Variants in PRKN observed in about 807,000 individuals in gnomAD.
PRKN encodes E3 ubiquitin-protein ligase parkin.
PRKN carries 56 observed loss-of-function variants against 59.5 expected under a neutral mutation model. The observed-to-expected ratio is 0.94, with a 90% CI of 0.76 to 1.18. The LOEUF is 1.18. Among genes scored for constraint, PRKN ranks in the 50% most tolerant of loss-of-function variants. The pLI is 0.00. For synonymous variants in PRKN, 250 were observed against 222.1 expected, an observed-to-expected ratio of 1.13 and a Z score of -1.12; for missense variants, 657 against 596.4, an observed-to-expected ratio of 1.10 and a Z score of -1.06.
At chr6:162,501,513 A>ATT (rs201004163) in intron 1 of PRKN, among the ~76,000 whole-genome samples, 19,779 of 126,322 alleles carry the variant, frequency 0.16, 1,478 homozygotes, top group Non-Finnish European at 0.19. Flanking sequence ...ACGCCTGGTT[A>ATT]ATTTTTTTTT....
intron 6 of PRKN, among the ~76,000 whole-genome samples, chr6:161,906,473 T>C (rs1778147919): frequency 6.6e-6 from 1 of 151,964 alleles, no homozygotes; most frequent in African/African-American, 2.4e-5. Context: ...TTAAGGGACC[T>C]CTCTGGCCAA....
intron 2 of PRKN, 133 bp downstream of exon 2, chr6:162,443,177 G>A: frequency 1.2e-6 from 1 of 850,724 alleles, no homozygotes; most frequent in Non-Finnish European, 1.9e-6. Context: ...AAGCAGTGTG[G>A]AGTAAAGTTC....
chr6:162,067,988 T>A (rs1778407242), intron 4 of PRKN, among the ~76,000 whole-genome samples: 1 of 152,244 alleles, frequency 6.6e-6, no homozygotes, highest in African/African-American at 2.4e-5. Flanking sequence ...ACTGTATCTC[T>A]TTCCTTCAGA....
chr6:162,310,549 A>C (rs1427594463), intron 2 of PRKN, among the ~76,000 whole-genome samples: 1 of 152,010 alleles, frequency 6.6e-6, no homozygotes, highest in Admixed American at 6.6e-5. Flanking sequence ...CAGAAGTCTA[A>C]AGGAAGAAAT....
At chr6:162,384,543 G>T (rs1786677537) in intron 2 of PRKN, among the ~76,000 whole-genome samples, 1 of 151,094 alleles carries the variant, frequency 6.6e-6, no homozygotes, top group East Asian at 2.0e-4. Context: ...TTAAAATATT[G>T]CAAGAATTAC....
intron 3 of PRKN, among the ~76,000 whole-genome samples, chr6:162,222,113 C>A (rs1777962796): frequency 6.6e-6 from 1 of 152,080 alleles, no homozygotes; most frequent in Non-Finnish European, 1.5e-5. Context: ...ACATAGGAGG[C>A]AGAATTCTAT....
chr6:161,899,603 T>C (rs1777805785), intron 6 of PRKN, among the ~76,000 whole-genome samples: 1 of 152,194 alleles, frequency 6.6e-6, no homozygotes, highest in African/African-American at 2.4e-5. Flanking sequence ...TAAACAAAGA[T>C]ATTTCCCACT....
intron 1 of PRKN, among the ~76,000 whole-genome samples, chr6:162,677,670 C>T (rs1212674367): frequency 6.6e-6 from 1 of 152,076 alleles, no homozygotes; most frequent in African/African-American, 2.4e-5. Context: ...CTGTCGATTG[C>T]TAGTATGTAA....
chr6:161,987,181 T>A (rs1781466489), intron 5 of PRKN, among the ~76,000 whole-genome samples: 1 of 152,154 alleles, frequency 6.6e-6, no homozygotes, highest in South Asian at 2.1e-4. Flanking sequence ...ATTTCCTCAT[T>A]AGGAAAAGAA....
At chr6:162,023,425 A>T (rs1247492701) in intron 5 of PRKN, among the ~76,000 whole-genome samples, 1 of 152,176 alleles carries the variant, frequency 6.6e-6, no homozygotes, top group Non-Finnish European at 1.5e-5. Context: ...TGGGGCAGCA[A>T]GAAGGAAGAC....
intron 5 of PRKN, among the ~76,000 whole-genome samples, chr6:162,038,062 A>G (rs899706632): frequency 6.6e-6 from 1 of 151,472 alleles, no homozygotes; most frequent in African/African-American, 2.4e-5. Context: ...ATAGAAACCA[A>G]TAATAAAACT....
chr6:162,126,829 TTTGC>T (rs1043169049), intron 4 of PRKN, among the ~76,000 whole-genome samples: 6 of 151,908 alleles, frequency 3.9e-5, no homozygotes, highest in Non-Finnish European at 5.9e-5. Context: ...TGTTTGTTTG[TTTGC>T]TTTTCCCTAG....
intron 4 of PRKN, among the ~76,000 whole-genome samples, chr6:162,156,967 A>T (rs1017286455): frequency 6.7e-6 from 1 of 148,378 alleles, no homozygotes; most frequent in Non-Finnish European, 1.5e-5. Context: ...CCCCATTGCA[A>T]ATCACATTTT....
chr6:161,954,565 T>G (rs1780102693), intron 6 of PRKN, among the ~76,000 whole-genome samples: 1 of 152,206 alleles, frequency 6.6e-6, no homozygotes. Context: ...TTTTTCAGAA[T>G]AAAATTAGAT....
Position 161,584,756 on chromosome 6 carries a change from G to A in PRKN, c.872-15340C>T, listed in dbSNP as rs1329163828. 1.3e-5 allele frequency among the ~76,000 whole-genome samples: 2 copies of A among 152,126 alleles called. No individual in the cohort carries two copies. The highest frequency in any genetic ancestry group is 6.5e-5 in the Admixed American group (1 of 15,278). ...GATATTGCTTCTCAGAAGACATCCC[G>A]AACACCTCAATAACAAATGTTATAT... On this transcript the variant is annotated intron_variant, in intron 7 of 11. Coordinates refer to ENST00000366898, the MANE Select transcript of PRKN (RefSeq NM_004562.3). This position sits in a 1 kb window ranked among gnomAD's most constrained non-coding sequence, Gnocchi z 4.8.
At chr6:161,803,834 T>C (rs921363057) in intron 6 of PRKN, among the ~76,000 whole-genome samples, 3 of 152,182 alleles carry the variant, frequency 2.0e-5, no homozygotes, top group African/African-American at 4.8e-5. Context: ...GCGACACAGA[T>C]GCATTTCATA....
At position 162,446,578 on chromosome 6, in the gene PRKN, C is replaced by A. The variant is rs145855057; in HGVS notation, c.8-3105G>T. Among the ~76,000 whole-genome samples the A allele has an allele frequency of 2.6e-5, 4 of 152,004 alleles. No individual in the cohort carries two copies. The South Asian group carries it at 8.3e-4, about 32-fold the overall frequency. Reference sequence around the variant, plus strand: ...GTATTTAGATAAATCATAAATACTACGGATATGAATATTTTTAACAGTAAA... The same window carrying A: ...GTATTTAGATAAATCATAAATACTAAGGATATGAATATTTTTAACAGTAAA... On this transcript the variant is annotated intron_variant, in intron 1 of 11. Coordinates refer to ENST00000366898, the MANE Select transcript of PRKN (RefSeq NM_004562.3).
Position 161,483,315 on chromosome 6 carries a change from T to TAACCA in PRKN, c.1083+65538_1083+65539insTGGTT, listed in dbSNP as rs1583134815. Among the ~76,000 whole-genome samples the TAACCA allele has an allele frequency of 1.3e-5, 2 of 152,266 alleles. No homozygotes were observed. The highest frequency in any genetic ancestry group is 3.9e-4 in the East Asian group (2 of 5,184). On this transcript the variant is annotated intron_variant, in intron 9 of 11. Transcript: ENST00000366898. The surrounding 1 kb of genome is among the most constrained non-coding windows in gnomAD (Gnocchi z 5.0). ...GTATTTCAGGCCAACTCCAAAGCAC[T>TAACCA]GGTTAATAGTTATAAAAATGTTTCA...
At chr6:162,188,447 C>T (rs1378864368) in intron 4 of PRKN, among the ~76,000 whole-genome samples, 1 of 152,156 alleles carries the variant, frequency 6.6e-6, no homozygotes, top group African/African-American at 2.4e-5. Context: ...ACAAAGAAGG[C>T]CCTGTGTACA....
Sources: allele counts gnomAD v4.1 joint callset (sites outside exome capture counted in the v4.1 genomes callset), GRCh38; gene constraint gnomAD v4.1.1; non-coding constraint Gnocchi (gnomAD v3.1); transcripts MANE v1.5; gene names NCBI Gene and HGNC (gene_info 2026-07-23, HGNC 2026-07-21).